PIK3CB: variants seen among roughly 807,000 people sequenced by gnomAD.
PIK3CB encodes the protein phosphatidylinositol 4,5-bisphosphate 3-kinase catalytic subunit beta isoform.
In PIK3CB, 39 loss-of-function variants were observed where a neutral mutation model predicts 136.8. That is an observed-to-expected ratio of 0.29 (90% CI 0.22 to 0.37). The LOEUF is 0.37. PIK3CB is among the 10% of genes least tolerant of loss of function. The pLI is 1.00. For missense variants in PIK3CB, 868 were observed against 1,275.4 expected (o/e 0.68, Z 4.87); for synonymous variants, 428 against 436.6 (o/e 0.98, Z 0.25).
intron 1 of PIK3CB, among the ~76,000 whole-genome samples, chr3:138,832,195 T>C (rs1338901043): frequency 1.3e-5 from 2 of 152,198 alleles, no homozygotes; most frequent in African/African-American, 2.4e-5. Flanking sequence ...AGCAAAAGCC[T>C]TTATGGATGA....
rs755312070 is a variant in PIK3CB, at chr3:138,734,586, C to G, written c.972+48G>C. ...TGTGTGAAACTTATGTAAACTAACA[C>G]AATCACATGGCTTTTGGGGTTACTA... On this transcript the variant is annotated intron_variant, in intron 7 of 23. Coordinates refer to ENST00000674063, the MANE Select transcript of PIK3CB (RefSeq NM_006219.3). The G allele has an allele frequency of 2.2e-6, 3 of 1,388,046 alleles. No homozygotes were observed. In the East Asian group the frequency reaches 7.0e-5, roughly 33 times the overall value. 86.0% of individuals were successfully genotyped at this position (1,388,046 alleles called of 1,614,324 possible). A position where few individuals can be genotyped will look rare whatever the true frequency, so the allele number is the denominator to read the frequency against.
chr3:138,805,258 G>A (rs186676587), intron 1 of PIK3CB, among the ~76,000 whole-genome samples: 2,625 of 151,536 alleles, frequency 0.017, 41 homozygotes, highest in Non-Finnish European at 0.029. Flanking sequence ...CCTTGAACCC[G>A]GGAGGCGGAG....
chr3:138,722,245 C>CAG (rs1281295263), intron 8 of PIK3CB, among the ~76,000 whole-genome samples: 25 of 151,168 alleles, frequency 1.7e-4, no homozygotes, highest in African/African-American at 5.4e-4. Context: ...CACACACACA[C>CAG]ACACACACAC....
At chr3:138,723,411 C>G (rs1428555801) in intron 8 of PIK3CB, among the ~76,000 whole-genome samples, 3 of 151,836 alleles carry the variant, frequency 2.0e-5, no homozygotes, top group Admixed American at 6.6e-5. Context: ...AATAGCCGGG[C>G]GTGGTGGTGT....
chr3:138,778,199 C>T, intron 2 of PIK3CB: 1 of 458,766 alleles, frequency 2.2e-6, no homozygotes, highest in Admixed American at 2.3e-5. Flanking sequence ...GCCCCCTCTG[C>T]TGATGCCCCC....
intron 2 of PIK3CB, among the ~76,000 whole-genome samples, chr3:138,784,840 C>T (rs1381807791): frequency 6.6e-6 from 1 of 152,208 alleles, no homozygotes; most frequent in Admixed American, 6.5e-5. Flanking sequence ...CAGCCTCTGC[C>T]CGGCCGCCAC....
chr3:138,672,540 A>G lies in PIK3CB; in HGVS notation c.2505-7337T>C, dbSNP rs553861859. Among the ~76,000 whole-genome samples the G allele has an allele frequency of 2.6e-5, 4 of 152,380 alleles. No individual in the cohort carries two copies. In the South Asian group the frequency reaches 8.3e-4, roughly 32 times the overall value. The stretch of plus-strand genomic sequence containing the variant: ...AATTCAAAACTGAGTATTATTAACT[A>G]TATAAGGAAATGAATAAAGTCACGC... On this transcript the variant is annotated intron_variant, in intron 19 of 23. Coordinates refer to ENST00000674063, the MANE Select transcript of PIK3CB (RefSeq NM_006219.3).
intron 2 of PIK3CB, among the ~76,000 whole-genome samples, chr3:138,766,626 C>A (rs528032809): frequency 4.6e-5 from 7 of 152,236 alleles, no homozygotes; most frequent in African/African-American, 1.7e-4. Flanking sequence ...AAAAATCCTT[C>A]CTCACTTACA....
chr3:138,817,879 C>A (rs1232267091), intron 1 of PIK3CB, among the ~76,000 whole-genome samples: 1 of 152,100 alleles, frequency 6.6e-6, no homozygotes, highest in East Asian at 1.9e-4. Context: ...GTACTTGAGC[C>A]CTGGAGTTTG....
At position 138,707,282 on chromosome 3, in the gene PIK3CB, G is replaced by A. The variant is rs763210060; in HGVS notation, c.1407C>T (p.Leu469=). The change falls in exon 11 of 24, where the codon CTC becomes CTT. Residue 469 remains leucine, a synonymous_variant. Coordinates refer to ENST00000674063, the MANE Select transcript of PIK3CB (RefSeq NM_006219.3). ...TTCCCATTGGATTCAACATTTCTTCGAGTTCATCTAAAACATGCAAATAAT... is the reference window on the plus strand; with the variant it reads ...TTCCCATTGGATTCAACATTTCTTCAAGTTCATCTAAAACATGCAAATAAT... ...LHSWSSFPDE[L]EEMLNPMGTV... The A allele has an allele frequency of 1.6e-5, 26 of 1,593,874 alleles. No individual in the cohort carries two copies. The highest frequency in any genetic ancestry group is 9.5e-5 in the African/African-American group (7 of 73,662).
chr3:138,700,952 TTTA>T (rs1267891171), intron 12 of PIK3CB, among the ~76,000 whole-genome samples: 2 of 152,124 alleles, frequency 1.3e-5, no homozygotes, highest in Non-Finnish European at 2.9e-5. Flanking sequence ...AAAACCTTTA[TTTA>T]TTAACTTTAT....
At chr3:138,741,012 T>C (rs1195781606) in intron 5 of PIK3CB, among the ~76,000 whole-genome samples, 1 of 152,226 alleles carries the variant, frequency 6.6e-6, no homozygotes, top group African/African-American at 2.4e-5. Flanking sequence ...CCACGGAGAA[T>C]TCCTTAAACA....
intron 10 of PIK3CB, among the ~76,000 whole-genome samples, chr3:138,710,800 T>C (rs533856309): frequency 7.9e-5 from 12 of 152,264 alleles, no homozygotes; most frequent in African/African-American, 2.9e-4. Flanking sequence ...AAAAAGTGTT[T>C]TAGGCTGGGA....
At chr3:138,769,545 G>T (rs2108759818) in intron 2 of PIK3CB, among the ~76,000 whole-genome samples, 1 of 152,304 alleles carries the variant, frequency 6.6e-6, no homozygotes, top group East Asian at 1.9e-4. Context: ...ACTCTTCAGA[G>T]CTTCATGCAC....
chr3:138,751,224 C>T (rs1322780761), intron 4 of PIK3CB, among the ~76,000 whole-genome samples: 3 of 151,810 alleles, frequency 2.0e-5, no homozygotes, highest in East Asian at 3.9e-4. Flanking sequence ...TTTGGGAGGC[C>T]GAGGCGGGCG....
At chr3:138,724,160 T>C (rs2044789055) in intron 8 of PIK3CB, among the ~76,000 whole-genome samples, 1 of 152,198 alleles carries the variant, frequency 6.6e-6, no homozygotes, top group Non-Finnish European at 1.5e-5. Context: ...TCTCAGGTTA[T>C]TATTTGTACT....
At chr3:138,705,195 A>AAAAAAAAAAAAAAAAAT (rs2044351558) in intron 11 of PIK3CB, among the ~76,000 whole-genome samples, 1 of 141,170 alleles carries the variant, frequency 7.1e-6, no homozygotes, top group Non-Finnish European at 1.5e-5. Flanking sequence ...ACAAACAAAA[A>AAAAAAAAAAAAAAAAAT]AAAAAACTTA....
At chr3:138,698,027 C>T (rs2044174580) in intron 13 of PIK3CB, among the ~76,000 whole-genome samples, 1 of 152,224 alleles carries the variant, frequency 6.6e-6, no homozygotes, top group African/African-American at 2.4e-5. Context: ...GCTACCATGC[C>T]TGGCTCCAAA....
At chr3:138,823,513 G>A (rs893131209) in intron 1 of PIK3CB, among the ~76,000 whole-genome samples, 9 of 151,854 alleles carry the variant, frequency 5.9e-5, no homozygotes, top group African/African-American at 2.2e-4. Context: ...GACCATCCTG[G>A]GCAACATGGT....
Sources: gnomAD v4.1 joint callset for allele counts (sites outside exome capture counted in the v4.1 genomes callset) on GRCh38, gnomAD v4.1.1 for gene constraint, MANE v1.5 for transcripts, NCBI Gene and HGNC (gene_info 2026-07-23, HGNC 2026-07-21) for gene names.